The following TAB2 variants were observed in gnomAD, a reference collection of about 807,000 sequenced individuals.
The protein encoded by TAB2 is TGF-beta-activated kinase 1 and MAP3K7-binding protein 2.
A neutral mutation model predicts 65.0 loss-of-function variants in TAB2; 3 were observed. The ratio of observed to expected loss-of-function variants is 0.05; its 90% CI spans 0.02 to 0.12. The LOEUF (loss-of-function observed/expected upper bound fraction) is 0.12. TAB2 is among the 10% of genes least tolerant of loss of function. The probability of loss-of-function intolerance (pLI) is 1.00; values close to 1 mark genes in which losing one functional copy is unlikely to be tolerated. For synonymous variants in TAB2, 298 were observed against 285.1 expected, an observed-to-expected ratio of 1.05 and a Z score of -0.46; for missense variants, 623 against 840.3, an observed-to-expected ratio of 0.74 and a Z score of 3.20.
chr6:149,322,452 C>A (rs1779485700), intron 1 of TAB2, among the ~76,000 whole-genome samples: 1 of 152,066 alleles, frequency 6.6e-6, no homozygotes, highest in African/African-American at 2.4e-5. Context: ...TTCAAAGTTA[C>A]AGAGTTTCAA....
At chr6:149,253,930 G>GAA (rs1339107751) in intron 1 of TAB2, among the ~76,000 whole-genome samples, 1 of 128,220 alleles carries the variant, frequency 7.8e-6, no homozygotes, top group Non-Finnish European at 1.7e-5. Flanking sequence ...TCGAAAGAAA[G>GAA]AAAGAAAGAA....
At chr6:149,323,453 T>G (rs947730202) in intron 1 of TAB2, among the ~76,000 whole-genome samples, 5 of 152,176 alleles carry the variant, frequency 3.3e-5, no homozygotes, top group African/African-American at 1.2e-4. Flanking sequence ...TTAAGATAAT[T>G]TCAATGAAAG....
chr6:149,343,264 A>G (rs562705848), intron 1 of TAB2, among the ~76,000 whole-genome samples: 3 of 152,200 alleles, frequency 2.0e-5, no homozygotes, highest in African/African-American at 7.2e-5. Flanking sequence ...GCCTTTACCT[A>G]AAAAGTTGAT....
chr6:149,402,791 G>GT (rs1782480055), intron 6 of TAB2, among the ~76,000 whole-genome samples: 1 of 152,128 alleles, frequency 6.6e-6, no homozygotes, highest in Admixed American at 6.5e-5. Context: ...ACCAAGTGGG[G>GT]TTTATCTCTG....
chr6:149,319,792 TC>T (rs1221854766), intron 1 of TAB2, among the ~76,000 whole-genome samples: 2 of 152,222 alleles, frequency 1.3e-5, no homozygotes, highest in African/African-American at 4.8e-5. Context: ...GAGTTACTTT[TC>T]CTGAGTTTAA....
chr6:149,396,875 A>G (rs1782189208), intron 3 of TAB2, among the ~76,000 whole-genome samples: 1 of 152,258 alleles, frequency 6.6e-6, no homozygotes, highest in African/African-American at 2.4e-5. Flanking sequence ...TGGATTCTAC[A>G]TTCCCTTCTA....
chr6:149,341,416 CAT>C (rs1041500924), intron 1 of TAB2, among the ~76,000 whole-genome samples: 5 of 152,130 alleles, frequency 3.3e-5, no homozygotes, highest in Non-Finnish European at 7.4e-5. Context: ...AGTATACCCA[CAT>C]GTTTAGAACA....
chr6:149,352,328 A>G (rs556378903), intron 1 of TAB2, among the ~76,000 whole-genome samples: 55 of 152,210 alleles, frequency 3.6e-4, no homozygotes, highest in African/African-American at 1.1e-3. Context: ...ACATTTTCCT[A>G]CACTCTTAAA....
chr6:149,352,425 T>C (rs886210549), intron 1 of TAB2, among the ~76,000 whole-genome samples: 2 of 152,222 alleles, frequency 1.3e-5, no homozygotes, highest in East Asian at 1.9e-4. Flanking sequence ...TTGAATCAAG[T>C]TACATACAAG....
chr6:149,377,574 T>C (rs1781446471), intron 2 of TAB2, among the ~76,000 whole-genome samples: 1 of 152,196 alleles, frequency 6.6e-6, no homozygotes, highest in Admixed American at 6.5e-5. Flanking sequence ...TAAACAAATG[T>C]GTATAGCACT....
At chr6:149,357,014 A>G (rs2114821021) in intron 1 of TAB2, among the ~76,000 whole-genome samples, 1 of 152,308 alleles carries the variant, frequency 6.6e-6, no homozygotes, top group South Asian at 2.1e-4. Flanking sequence ...TATTTCATTC[A>G]CCAGCATTAT....
chr6:149,391,643 A>G (rs940972654), intron 3 of TAB2, among the ~76,000 whole-genome samples: 4 of 151,968 alleles, frequency 2.6e-5, no homozygotes, highest in African/African-American at 9.7e-5. Context: ...CCAGGCTCAA[A>G]TGATCCTCCC....
chr6:149,257,457 TTAAA>T (rs1252519760), intron 1 of TAB2: 1 of 152,068 alleles, frequency 6.6e-6, no homozygotes, highest in Non-Finnish European at 1.5e-5. Context: ...CCATGTTTCT[TTAAA>T]ATGACTCTGC....
chr6:149,218,312 G>C (rs1777064731), upstream of TAB2, among the ~76,000 whole-genome samples: 1 of 152,078 alleles, frequency 6.6e-6, no homozygotes, highest in African/African-American at 2.4e-5. Flanking sequence ...AAGGCCAAAA[G>C]AACACTGCAC....
At chr6:149,277,879 C>G (rs1292935828) in intron 1 of TAB2, among the ~76,000 whole-genome samples, 1 of 152,112 alleles carries the variant, frequency 6.6e-6, no homozygotes, top group African/African-American at 2.4e-5. Flanking sequence ...ATAGTTTTAA[C>G]TTGCAAATAG....
In TAB2 at chr6:149,397,589, T is replaced by G; in HGVS notation, c.1604-15T>G. Reference sequence around the variant, plus strand: ...AAAGTGGGTGGGTCCTCATGTTTACTAATGTGTGTTGCAGCTCTTTTGGTA... The same window carrying G: ...AAAGTGGGTGGGTCCTCATGTTTACGAATGTGTGTTGCAGCTCTTTTGGTA... On this transcript the variant is annotated splice_polypyrimidine_tract_variant and intron_variant, in intron 3 of 6. Transcript: ENST00000637181. 1 of 1,613,970 alleles carries G rather than the reference T, an allele frequency of 6.2e-7. No individual in the cohort carries two copies. The highest frequency in any genetic ancestry group is 8.5e-7 in the Non-Finnish European group (1 of 1,179,898).
At position 149,317,773 on chromosome 6, in the gene TAB2, C is replaced by T. The variant is rs1428653263; in HGVS notation, c.-332C>T. On this transcript the variant is annotated 5_prime_UTR_variant, in exon 1 of 7. Transcript: ENST00000637181. The surrounding 1 kb of genome is among the most constrained non-coding windows in gnomAD (Gnocchi z 4.7). The stretch of plus-strand genomic sequence containing the variant: ...CCCAGCCCGACCCCCTCCCCTCCCC[C>T]TCAGCCAGGAGCGGTGGCGGCGGCG... 1.2e-5 allele frequency: 2 copies of T among 164,898 alleles called. No individual in the cohort carries two copies. The highest frequency in any genetic ancestry group is 2.6e-5 in the Non-Finnish European group (2 of 76,844). 10.2% of individuals were successfully genotyped at this position (164,898 alleles called of 1,614,324 possible). A position where few individuals can be genotyped will look rare whatever the true frequency, so the allele number is the denominator to read the frequency against.
In TAB2 at chr6:149,300,646, C is replaced by A. The variant is rs534725455; in HGVS notation, c.-120-77372C>A. On this transcript the variant is annotated intron_variant, in intron 1 of 1. Coordinates refer to the TAB2 transcript ENST00000606202. ...ACTTTTGTCAGTCATTGGTTAGGAA[C>A]CATCTTTTACCCCACCTTCACCCTC... Among the ~76,000 whole-genome samples the A allele has an allele frequency of 3.3e-5, 5 of 152,298 alleles. No individual in the cohort carries two copies. The East Asian group carries it at 9.6e-4, about 29-fold the overall frequency.
chr6:149,399,653 A>G (rs1782302421), intron 6 of TAB2, among the ~76,000 whole-genome samples: 1 of 152,110 alleles, frequency 6.6e-6, no homozygotes, highest in Non-Finnish European at 1.5e-5. Context: ...CTCAGAATAT[A>G]TGCACACCAA....
Sources: gnomAD v4.1 joint callset for allele counts (sites outside exome capture counted in the v4.1 genomes callset) on GRCh38, gnomAD v4.1.1 for gene constraint, Gnocchi (gnomAD v3.1) non-coding constraint, MANE v1.5 for transcripts, NCBI Gene and HGNC (gene_info 2026-07-23, HGNC 2026-07-21) for gene names.